The following PTAFR variants were observed in gnomAD, a reference collection of about 807,000 sequenced individuals.
PTAFR encodes the protein platelet activating factor receptor.
A neutral mutation model predicts 14.7 loss-of-function variants in PTAFR; 8 were observed. The ratio of observed to expected loss-of-function variants is 0.54; its 90% CI spans 0.32 to 0.98. The LOEUF is 0.98. PTAFR is among the 50% of genes least tolerant of loss of function. The pLI, the probability that PTAFR is intolerant of heterozygous loss-of-function variation, is 0.04. For missense variants in PTAFR, 337 were observed against 451.2 expected (o/e 0.75, Z 2.29); for synonymous variants, 156 against 176.5 (o/e 0.88, Z 0.92).
intron 1 of PTAFR, among the ~76,000 whole-genome samples, chr1:28,167,242 C>T (rs913902796): frequency 6.6e-6 from 1 of 152,126 alleles, no homozygotes; most frequent in Non-Finnish European, 1.5e-5. Flanking sequence ...ATATGCAGAA[C>T]TCCTACAACT....
chr1:28,183,316 T>C (rs976230037), intron 1 of PTAFR, among the ~76,000 whole-genome samples: 2 of 152,210 alleles, frequency 1.3e-5, no homozygotes, highest in African/African-American at 4.8e-5. Context: ...ATTTGTTTCA[T>C]GAAATTTGAG....
chr1:28,190,748 C>T (rs1329451670), intron 1 of PTAFR, among the ~76,000 whole-genome samples: 1 of 152,138 alleles, frequency 6.6e-6, no homozygotes, highest in East Asian at 1.9e-4. Flanking sequence ...AGCAAGTTCC[C>T]AGGGAGACTC....
intron 1 of PTAFR, among the ~76,000 whole-genome samples, chr1:28,172,212 C>T (rs564804624): frequency 7.7e-4 from 117 of 152,294 alleles, no homozygotes; most frequent in African/African-American, 2.5e-3. Flanking sequence ...GACAGGTTTT[C>T]ACCATGCTGG....
rs1646136608 is a variant in PTAFR at position 28,148,119 on chromosome 1, C to A, written c.*1874G>T. 1 of 152,218 alleles carries A rather than the reference C, an allele frequency of 6.6e-6. No individual in the cohort carries two copies. The highest frequency in any genetic ancestry group is 2.4e-5 in the African/African-American group (1 of 41,458). The allele number at this position is 152,218 out of a possible 1,614,324, so 9.4% of individuals were successfully genotyped here. ...AAGACTTCTCTGAAGGAGCACAGAG[C>A]TCTAGAAACCAGAGAAGTTTCCTCT... On this transcript the variant is annotated 3_prime_UTR_variant, in exon 2 of 2. Transcript: ENST00000373857.
intron 1 of PTAFR, among the ~76,000 whole-genome samples, chr1:28,164,964 G>T (rs1646366668): frequency 6.6e-6 from 1 of 152,168 alleles, no homozygotes; most frequent in Non-Finnish European, 1.5e-5. Flanking sequence ...GTCAGATCCT[G>T]GTTCAACCAC....
intron 1 of PTAFR, among the ~76,000 whole-genome samples, chr1:28,162,829 CAAAAA>C (rs529755155): frequency 7.9e-4 from 47 of 59,160 alleles, no homozygotes; most frequent in African/African-American, 2.2e-3. Flanking sequence ...ACTTTGTCTC[CAAAAA>C]AAAAAAAAAA....
intron 1 of PTAFR, among the ~76,000 whole-genome samples, chr1:28,168,019 C>A (rs556438471): frequency 7.7e-6 from 1 of 129,254 alleles, no homozygotes; most frequent in Non-Finnish European, 1.5e-5. Flanking sequence ...AGTGCAGTGG[C>A]GCAATCTCGG....
chr1:28,154,431 G>A (rs1306205584), intron 1 of PTAFR, among the ~76,000 whole-genome samples: 1 of 152,036 alleles, frequency 6.6e-6, no homozygotes, highest in Non-Finnish European at 1.5e-5. Flanking sequence ...ACCCAGCAAG[G>A]GGGCCCTGAC....
At chr1:28,193,601 A>C (rs1031837814) in intron 1 of PTAFR, 1 of 153,220 alleles carries the variant, frequency 6.5e-6, no homozygotes, top group Non-Finnish European at 1.5e-5. Flanking sequence ...AACAGGAGGG[A>C]AATCAGACAT....
At position 28,171,852 on chromosome 1, in the gene PTAFR, C is replaced by A. The variant is rs188174274; in HGVS notation, c.-39+4740G>T. Among the ~76,000 whole-genome samples the A allele has an allele frequency of 3.3e-5, 5 of 152,264 alleles. No homozygotes were observed. The East Asian group carries it at 9.7e-4, about 29-fold the overall frequency. The stretch of plus-strand genomic sequence containing the variant: ...ACCCCAAGTCTGGCCTGGGTCTCTC[C>A]TCCTGGCTCCCAGATACCCAGGTGG... On this transcript the variant is annotated intron_variant, in intron 1 of 1. Coordinates refer to ENST00000373857, the MANE Select transcript of PTAFR (RefSeq NM_000952.5).
At chr1:28,151,122 A>G (rs533749762) in intron 1 of PTAFR, 63 bp from the exon 2 acceptor site, 5 of 915,360 alleles carry the variant, frequency 5.5e-6, no homozygotes, top group South Asian at 5.2e-5. Context: ...CCATTTCATC[A>G]GTTCCAAGAC....
In PTAFR at chr1:28,150,833, G is replaced by A; in HGVS notation, c.189C>T (p.Asp63=). The stretch of plus-strand genomic sequence containing the variant: ...GTGGCAGGGTGATCAAGAAGAGCAT[G>A]TCCGCCATGGTGAGGTTCACCATGA... ...KIFMVNLTMA[D]MLFLITLPLW... The change falls in exon 2 of 2, where the codon GAC becomes GAT. Residue 63 remains aspartate, a synonymous_variant. Coordinates refer to ENST00000373857, the MANE Select transcript of PTAFR (RefSeq NM_000952.5). The surrounding 1 kb of genome is among the most constrained non-coding windows in gnomAD (Gnocchi z 6.3). 4 of 1,614,190 alleles carry A rather than the reference G, an allele frequency of 2.5e-6. No individual in the cohort carries two copies. Among genetic ancestry groups the A allele is most frequent in the Non-Finnish European group, 3.4e-6 (4 of 1,180,046 alleles).
chr1:28,155,621 C>G (rs1646255441), intron 1 of PTAFR, among the ~76,000 whole-genome samples: 1 of 152,122 alleles, frequency 6.6e-6, no homozygotes, highest in Non-Finnish European at 1.5e-5. Flanking sequence ...TCTCAACACT[C>G]TGGGAGGCCA....
upstream of PTAFR, among the ~76,000 whole-genome samples, chr1:28,177,969 C>G (rs1487371598): frequency 6.6e-6 from 1 of 152,060 alleles, no homozygotes; most frequent in Non-Finnish European, 1.5e-5. Flanking sequence ...TTCAACCAAC[C>G]AACAAGCACC....
intron 1 of PTAFR, among the ~76,000 whole-genome samples, chr1:28,151,595 G>A (rs1646188364): frequency 6.6e-6 from 1 of 152,058 alleles, no homozygotes; most frequent in Non-Finnish European, 1.5e-5. Flanking sequence ...GGGAGGTCAA[G>A]GCTGAAGTGA....
chr1:28,191,088 C>G (rs1646648449), intron 1 of PTAFR, among the ~76,000 whole-genome samples: 2 of 152,230 alleles, frequency 1.3e-5, no homozygotes, highest in African/African-American at 4.8e-5. Context: ...GCTGGCCCTC[C>G]CTCTTCAGCT....
At chr1:28,191,586 A>AAGAGAGAGAG (rs35747744) in intron 1 of PTAFR, among the ~76,000 whole-genome samples, 2 of 145,480 alleles carry the variant, frequency 1.4e-5, no homozygotes, top group African/African-American at 5.1e-5. Context: ...GAAAAAAGAA[A>AAGAGAGAGAG]AGAGAGAGAG....
rs1166635731 is a variant in PTAFR, at chr1:28,149,942, C to T, written c.*51G>A. 3.2e-6 allele frequency: 5 copies of T among 1,563,656 alleles called. No individual in the cohort carries two copies. The highest frequency in any genetic ancestry group is 4.3e-6 in the Non-Finnish European group (5 of 1,151,850). ...CAGTAGATATCCCTTCTTCCCCCAGCTCAGTCCATGATGTTCATGGAGGAG... is the reference window on the plus strand; with the variant it reads ...CAGTAGATATCCCTTCTTCCCCCAGTTCAGTCCATGATGTTCATGGAGGAG... On this transcript the variant is annotated 3_prime_UTR_variant, in exon 2 of 2. Transcript: ENST00000373857.
chr1:28,191,936 G>A (rs138616085), intron 1 of PTAFR, among the ~76,000 whole-genome samples: 1,952 of 152,080 alleles, frequency 0.013, 23 homozygotes, highest in Non-Finnish European at 0.019. Context: ...TCATGGTGGT[G>A]CATGCCTGTG....
Sources: allele counts gnomAD v4.1 joint callset (sites outside exome capture counted in the v4.1 genomes callset), GRCh38; gene constraint gnomAD v4.1.1; non-coding constraint Gnocchi (gnomAD v3.1); transcripts MANE v1.5; gene names NCBI Gene and HGNC (gene_info 2026-07-23, HGNC 2026-07-21).